LCOR: variants seen among roughly 807,000 people sequenced by gnomAD.
LCOR encodes ligand dependent nuclear receptor corepressor, also known as ligand-dependent corepressor.
A neutral mutation model predicts 64.4 loss-of-function variants in LCOR; 14 were observed. The ratio of observed to expected loss-of-function variants is 0.22; its 90% confidence interval spans 0.14 to 0.34. The LOEUF (loss-of-function observed/expected upper bound fraction) is 0.34. Among genes scored for constraint, LCOR ranks in the 10% least tolerant of loss-of-function variants. The pLI is 1.00. For synonymous variants in LCOR, 643 were observed against 642.5 expected, an observed-to-expected ratio of 1.00 and a Z score of -0.01; for missense variants, 1,686 against 1,765.3, an observed-to-expected ratio of 0.96 and a Z score of 0.80.
At chr10:96,844,046 A>G (rs1264008569) in intron 2 of LCOR, among the ~76,000 whole-genome samples, 2 of 151,634 alleles carry the variant, frequency 1.3e-5, no homozygotes, top group African/African-American at 2.4e-5. Flanking sequence ...TAGACCTGGG[A>G]TTGGAAATCA....
chr10:96,983,115 G>A lies in LCOR; in HGVS notation c.2655G>A (p.Lys885=). 1 of 1,613,688 alleles carries A rather than the reference G, an allele frequency of 6.2e-7. No individual in the cohort carries two copies. Among genetic ancestry groups the A allele is most frequent in the South Asian group, 1.1e-5 (1 of 91,078 alleles). Residue 885 remains lysine (K), a synonymous_variant, in exon 8 of 8, where the codon AAG becomes AAA. Transcript: ENST00000421806. The surrounding 1 kb of genome is among the most constrained non-coding windows in gnomAD (Gnocchi z 4.5). ...CGGAAACTCTGGAGGACACAGAAAA[G>A]CCAAGTGTCAATGAACGCCCCTCTG... ...FHTETLEDTE[K]PSVNERPSEK... is the part of the protein sequence containing the mutation.
chr10:96,972,496 T>TG (rs1390922467), intron 7 of LCOR, among the ~76,000 whole-genome samples: 2 of 152,194 alleles, frequency 1.3e-5, no homozygotes, highest in Non-Finnish European at 2.9e-5. Context: ...TCTGACTTCC[T>TG]GCTCTCCAAG....
intron 2 of LCOR, among the ~76,000 whole-genome samples, chr10:96,880,043 T>C (rs1846235988): frequency 6.6e-6 from 1 of 152,186 alleles, no homozygotes; most frequent in East Asian, 1.9e-4. Context: ...ATTAAGGGTG[T>C]TTCATATATT....
intron 2 of LCOR, among the ~76,000 whole-genome samples, chr10:96,870,743 T>C (rs1291049309): frequency 6.6e-6 from 1 of 152,202 alleles, no homozygotes; most frequent in Non-Finnish European, 1.5e-5. Context: ...TGCTTTGTCT[T>C]CCCCTTCTCC....
chr10:96,915,768 C>T, intron 4 of LCOR: 1 of 625,940 alleles, frequency 1.6e-6, no homozygotes, highest in Non-Finnish European at 3.0e-6. Context: ...CCCTCCTTTG[C>T]AGGGCCCTTT....
intron 2 of LCOR, among the ~76,000 whole-genome samples, chr10:96,883,050 T>C (rs548052889): frequency 5.3e-5 from 8 of 152,210 alleles, no homozygotes; most frequent in Admixed American, 1.3e-4. Context: ...TTTGTTGTTG[T>C]TGTTGAGACA....
In LCOR at chr10:96,994,028, T is replaced by C. The variant is rs1848223094; in HGVS notation, c.*8894T>C. 1 of 152,102 alleles carries C rather than the reference T, an allele frequency of 6.6e-6. No individual in the cohort carries two copies. Among genetic ancestry groups the C allele is most frequent in the Non-Finnish European group, 1.5e-5 (1 of 68,012 alleles). 9.4% of individuals were successfully genotyped at this position (152,102 alleles called of 1,614,324 possible). ...TTTGTCTGCACGCTCCTTCATGTCATAGAACTCTAGCAATGGATGAGAAAT... is the reference window on the plus strand; with the variant it reads ...TTTGTCTGCACGCTCCTTCATGTCACAGAACTCTAGCAATGGATGAGAAAT... On this transcript the variant is annotated 3_prime_UTR_variant, in exon 8 of 8. Coordinates refer to ENST00000421806, the MANE Select transcript of LCOR (RefSeq NM_001346516.2).
In LCOR at chr10:96,907,742, G is replaced by A; in HGVS notation, c.-189G>A. The A allele has an allele frequency of 1.0e-6, 1 of 970,596 alleles. No individual in the cohort carries two copies. The highest frequency in any genetic ancestry group is 1.2e-6 in the Non-Finnish European group (1 of 816,052). The allele number at this position is 970,596 out of a possible 1,614,324, so 60.1% of individuals were successfully genotyped here. On this transcript the variant is annotated 5_prime_UTR_variant, in exon 4 of 8. Coordinates refer to ENST00000421806, the MANE Select transcript of LCOR (RefSeq NM_001346516.2). ...ATTCTGTTGCTTGAGAAGAGATAAA[G>A]TAAAGGTAACTAAGAAGCCTGTGAA...
chr10:96,854,314 C>A (rs1374775054), intron 2 of LCOR, among the ~76,000 whole-genome samples: 2 of 152,092 alleles, frequency 1.3e-5, no homozygotes, highest in Non-Finnish European at 2.9e-5. Context: ...CAATCTACAT[C>A]AGAAAGCATC....
intron 2 of LCOR, among the ~76,000 whole-genome samples, chr10:96,865,528 A>G (rs1362583286): frequency 6.9e-6 from 1 of 144,512 alleles, no homozygotes; most frequent in Non-Finnish European, 1.5e-5. Flanking sequence ...TAAAATGTAC[A>G]GTAGTTATGA....
intron 1 of LCOR, among the ~76,000 whole-genome samples, chr10:96,832,769 G>T (rs1845364778): frequency 6.6e-6 from 1 of 150,664 alleles, no homozygotes; most frequent in African/African-American, 2.4e-5. Context: ...TTATTGTGGC[G>T]ACTCGCCTCG....
intron 4 of LCOR, among the ~76,000 whole-genome samples, chr10:96,913,151 A>C (rs1365891708): frequency 6.6e-6 from 1 of 151,788 alleles, no homozygotes; most frequent in Non-Finnish European, 1.5e-5. Context: ...AAAAAACTCT[A>C]GTTCCTTTTA....
At chr10:96,961,366 A>T (rs1403424904) in intron 7 of LCOR, 1 of 152,044 alleles carries the variant, frequency 6.6e-6, no homozygotes, top group Non-Finnish European at 1.5e-5. Context: ...ATATTATTAT[A>T]ATATTTAATC....
At chr10:96,931,063 A>G (rs527424953) in intron 4 of LCOR, among the ~76,000 whole-genome samples, 19 of 152,230 alleles carry the variant, frequency 1.2e-4, no homozygotes, top group African/African-American at 4.6e-4. Flanking sequence ...CTATTAGATA[A>G]TAAAAGTGTA....
In LCOR at chr10:96,982,769, T is replaced by G. The variant is rs773121118; in HGVS notation, c.2309T>G (p.Ile770Arg). ...ETEESEAAGGIGKLEGEDGDV... is the reference protein window; with the variant it reads ...ETEESEAAGGRGKLEGEDGDV... ...GAGGAAAGTGAGGCAGCAGGTGGTA[T>G]AGGAAAATTAGAGGGAGAGGACGGT... Residue 770 changes from isoleucine (I) to arginine (R), a missense_variant, in exon 8 of 8, where the codon ATA becomes AGA. Around this residue, in one of 3 missense-constraint regions of LCOR, gnomAD observed 1,293 missense variants for 1,410.4 expected, o/e 0.92. Coordinates refer to ENST00000421806, the MANE Select transcript of LCOR (RefSeq NM_001346516.2). 1.2e-6 allele frequency: 2 copies of G among 1,613,990 alleles called. No individual in the cohort carries two copies. The highest frequency in any genetic ancestry group is 1.7e-5 in the Admixed American group (1 of 60,010).
chr10:96,917,269 G>T (rs1846968501), intron 4 of LCOR, among the ~76,000 whole-genome samples: 1 of 152,214 alleles, frequency 6.6e-6, no homozygotes, highest in Non-Finnish European at 1.5e-5. Flanking sequence ...GTGTGGTTCT[G>T]TGTTTGGCCA....
intron 2 of LCOR, among the ~76,000 whole-genome samples, chr10:96,846,023 A>G (rs999101708): frequency 1.1e-4 from 17 of 152,046 alleles, no homozygotes; most frequent in Non-Finnish European, 1.2e-4. Context: ...CCTGGCCAAC[A>G]TGGTAAAACC....
intron 2 of LCOR, among the ~76,000 whole-genome samples, chr10:96,897,109 A>G (rs1028832067): frequency 1.3e-5 from 2 of 151,792 alleles, no homozygotes; most frequent in African/African-American, 2.4e-5. Flanking sequence ...AGCAAAAAAA[A>G]AAAAAAAACC....
At chr10:96,916,982 C>T (rs1455656094) in intron 4 of LCOR, among the ~76,000 whole-genome samples, 2 of 152,184 alleles carry the variant, frequency 1.3e-5, no homozygotes, top group Non-Finnish European at 2.9e-5. Context: ...TAATTAGGTG[C>T]TCAGTTAATT....
Sources: allele counts gnomAD v4.1 joint callset (sites outside exome capture counted in the v4.1 genomes callset), GRCh38; gene constraint gnomAD v4.1.1; regional missense constraint gnomAD v4.1.1; non-coding constraint Gnocchi (gnomAD v3.1); transcripts MANE v1.5; gene names NCBI Gene and HGNC (gene_info 2026-07-23, HGNC 2026-07-21).